The following TMCC1 variants were observed in gnomAD, a reference collection of about 807,000 sequenced individuals.
The protein encoded by TMCC1 is transmembrane and coiled-coil domains protein 1.
TMCC1 carries 15 observed loss-of-function variants against 52.4 expected under a neutral mutation model. The observed-to-expected ratio is 0.29, with a 90% CI of 0.19 to 0.44. TMCC1 has a LOEUF of 0.44. TMCC1 is among the 20% of genes least tolerant of loss of function. TMCC1 has a pLI of 1.00. For missense variants in TMCC1, 503 were observed against 806.0 expected (o/e 0.62, Z 4.55); for synonymous variants, 279 against 301.9 (o/e 0.92, Z 0.79).
intron 4 of TMCC1, among the ~76,000 whole-genome samples, chr3:129,731,532 C>T (rs1359092331): frequency 6.6e-6 from 1 of 152,182 alleles, no homozygotes; most frequent in African/African-American, 2.4e-5. Context: ...TAACCGACAT[C>T]GTGCCACTGC....
chr3:129,808,020 A>C (rs937259260), intron 4 of TMCC1, among the ~76,000 whole-genome samples: 5 of 150,346 alleles, frequency 3.3e-5, no homozygotes, highest in East Asian at 2.0e-4. Flanking sequence ...GTGTATCTCC[A>C]AGAAAAGCTG....
At chr3:129,853,536 G>A (rs568802598) in intron 2 of TMCC1, among the ~76,000 whole-genome samples, 2 of 150,448 alleles carry the variant, frequency 1.3e-5, no homozygotes, top group South Asian at 4.3e-4. Flanking sequence ...GGCTAAGGCA[G>A]GAGGATTGCT....
intron 2 of TMCC1, among the ~76,000 whole-genome samples, chr3:129,871,318 C>T (rs2060917840): frequency 6.7e-6 from 1 of 149,726 alleles, no homozygotes; most frequent in South Asian, 2.1e-4. Context: ...GAGATCATGG[C>T]CACCGCACTC....
At chr3:129,838,946 A>G (rs975391335) in intron 2 of TMCC1, among the ~76,000 whole-genome samples, 2 of 152,050 alleles carry the variant, frequency 1.3e-5, no homozygotes, top group Non-Finnish European at 2.9e-5. Flanking sequence ...AAGTGCTGAA[A>G]AGAAAACTGC....
At chr3:129,747,899 T>C (rs758909702) in intron 4 of TMCC1, among the ~76,000 whole-genome samples, 1 of 152,176 alleles carries the variant, frequency 6.6e-6, no homozygotes, top group Non-Finnish European at 1.5e-5. Flanking sequence ...TTTTCTCCTA[T>C]AGTAATAACT....
chr3:129,678,083 A>G (rs977344149), intron 4 of TMCC1, among the ~76,000 whole-genome samples: 1 of 151,834 alleles, frequency 6.6e-6, no homozygotes, highest in Non-Finnish European at 1.5e-5. Context: ...GTATGCCACC[A>G]CACCTGGCTA....
At chr3:129,663,392 CA>C (rs2087194813) in intron 5 of TMCC1, among the ~76,000 whole-genome samples, 2 of 152,162 alleles carry the variant, frequency 1.3e-5, no homozygotes, top group South Asian at 4.1e-4. Context: ...GACTATTTCC[CA>C]AATGCATACC....
chr3:129,651,317 T>G lies in TMCC1; in HGVS notation c.*164A>C, dbSNP rs1226553838. 1.3e-6 allele frequency: 1 copy of G among 780,272 alleles called. No individual in the cohort carries two copies. Among genetic ancestry groups the G allele is most frequent in the Non-Finnish European group, 2.0e-6 (1 of 510,008 alleles). The allele number at this position is 780,272 out of a possible 1,614,324, so 48.3% of individuals were successfully genotyped here. On this transcript the variant is annotated 3_prime_UTR_variant, in exon 7 of 7. Transcript: ENST00000393238. The surrounding 1 kb of genome is among the most constrained non-coding windows in gnomAD (Gnocchi z 5.1). ...TTCTTGGATAAAATCTAAAAAATAC[T>G]ATTGCAATTGCGTCTCTTGAAGAAA...
intron 1 of TMCC1, chr3:129,893,078 C>G (rs992055344): frequency 1.3e-5 from 2 of 152,398 alleles, no homozygotes; most frequent in African/African-American, 4.8e-5. Flanking sequence ...ACTTCTGGGA[C>G]GCCATGGCGA....
intron 4 of TMCC1, among the ~76,000 whole-genome samples, chr3:129,788,290 T>C (rs2056184604): frequency 6.6e-6 from 1 of 152,208 alleles, no homozygotes; most frequent in South Asian, 2.1e-4. Context: ...ACTGTTGTTA[T>C]TTTTTAAATT....
chr3:129,733,708 A>G (rs1397083225), intron 4 of TMCC1, among the ~76,000 whole-genome samples: 1 of 152,198 alleles, frequency 6.6e-6, no homozygotes, highest in Non-Finnish European at 1.5e-5. Flanking sequence ...AGAGTATTTC[A>G]CCAGCAAGCA....
chr3:129,806,503 C>A (rs1396050287), intron 4 of TMCC1, among the ~76,000 whole-genome samples: 1 of 152,176 alleles, frequency 6.6e-6, no homozygotes. Context: ...CCTATAGATA[C>A]TGATAACTGA....
intron 2 of TMCC1, among the ~76,000 whole-genome samples, chr3:129,859,609 C>A (rs2060292453): frequency 6.6e-6 from 1 of 151,656 alleles, no homozygotes; most frequent in African/African-American, 2.4e-5. Context: ...TGCACTCCAG[C>A]CTCAGCAACA....
At chr3:129,707,400 A>C (rs559047240) in intron 4 of TMCC1, among the ~76,000 whole-genome samples, 1 of 152,360 alleles carries the variant, frequency 6.6e-6, no homozygotes, top group South Asian at 2.1e-4. Flanking sequence ...CAAAGGGGAA[A>C]AATCATTCAA....
chr3:129,806,086 C>T (rs1283572302), intron 4 of TMCC1, among the ~76,000 whole-genome samples: 7 of 152,096 alleles, frequency 4.6e-5, no homozygotes, highest in South Asian at 4.1e-4. Flanking sequence ...AAGTGAGATT[C>T]CTAGTGATTT....
At chr3:129,677,143 T>TAC (rs2088525154) in intron 4 of TMCC1, among the ~76,000 whole-genome samples, 1 of 150,770 alleles carries the variant, frequency 6.6e-6, no homozygotes, top group African/African-American at 2.4e-5. Flanking sequence ...CACACGTCTG[T>TAC]AGTCCCAGCT....
intron 2 of TMCC1, among the ~76,000 whole-genome samples, chr3:129,868,161 A>G (rs2060744339): frequency 6.6e-6 from 1 of 152,232 alleles, no homozygotes; most frequent in Non-Finnish European, 1.5e-5. Context: ...CAAGCAGGAA[A>G]GAATTTGGAA....
At chr3:129,750,997 C>G (rs1353719922) in intron 4 of TMCC1, among the ~76,000 whole-genome samples, 2 of 151,990 alleles carry the variant, frequency 1.3e-5, no homozygotes, top group Non-Finnish European at 2.9e-5. Flanking sequence ...CCCAAGAGTT[C>G]GAGACCAGTG....
chr3:129,872,630 C>G (rs1577171974), intron 2 of TMCC1, among the ~76,000 whole-genome samples: 2 of 152,076 alleles, frequency 1.3e-5, no homozygotes, highest in East Asian at 3.9e-4. Flanking sequence ...GTTGGTTGTG[C>G]TGGTTGGAGA....
Sources: gnomAD v4.1 joint callset for allele counts (sites outside exome capture counted in the v4.1 genomes callset) on GRCh38, gnomAD v4.1.1 for gene constraint, Gnocchi (gnomAD v3.1) non-coding constraint, MANE v1.5 for transcripts, NCBI Gene and HGNC (gene_info 2026-07-23, HGNC 2026-07-21) for gene names.